The following ZNF385A variants were observed in gnomAD, a reference collection of about 807,000 sequenced individuals.
The protein encoded by ZNF385A is hematopoietic zinc finger protein.
In ZNF385A, 14 loss-of-function variants were observed where a neutral mutation model predicts 32.1. The ratio of observed to expected loss-of-function variants is 0.44; its 90% CI spans 0.29 to 0.68. ZNF385A has a LOEUF of 0.68. Among genes scored for constraint, ZNF385A ranks in the 30% least tolerant of loss-of-function variants. The probability of loss-of-function intolerance (pLI) is 0.14; values close to 1 mark genes in which losing one functional copy is unlikely to be tolerated. For missense variants in ZNF385A, 406 were observed against 478.4 expected, an observed-to-expected ratio of 0.85 and a Z score of 1.41; for synonymous variants, 197 against 202.7, an observed-to-expected ratio of 0.97 and a Z score of 0.24.
chr12:54,380,271 A>G (rs1955077241), intron 1 of ZNF385A, among the ~76,000 whole-genome samples: 2 of 152,218 alleles, frequency 1.3e-5, no homozygotes, highest in Non-Finnish European at 2.9e-5. Flanking sequence ...TTCTGTACTG[A>G]GCTCTTTGCA....
Position 54,371,053 on chromosome 12 carries a change from C to T in ZNF385A, c.648G>A (p.Gly216=), listed in dbSNP as rs1954521782. 5 of 1,613,384 alleles carry T rather than the reference C, an allele frequency of 3.1e-6. No individual in the cohort carries two copies. The South Asian group carries it at 3.3e-5, about 11-fold the overall frequency. The change falls in exon 5 of 7, where the codon GGG becomes GGA. Residue 216 remains glycine (G), a synonymous_variant. Transcript: ENST00000394313. ...KTILEARSGL[G]PIKAYPRLGP... Reference sequence around the variant, plus strand: ...CCAGCCGAGGGTAAGCTTTGATGGGCCCGAGCCCACTTCGGGCCTCCAGAA... The same window carrying T: ...CCAGCCGAGGGTAAGCTTTGATGGGTCCGAGCCCACTTCGGGCCTCCAGAA...
At chr12:54,385,646 C>T (rs530655334), upstream of ZNF385A, 32 of 985,522 alleles carry the variant, frequency 3.2e-5, 2 homozygotes, top group South Asian at 1.2e-3. Context: ...CCTTCCTGTT[C>T]CCTCCAGACA....
At chr12:54,380,166 G>A (rs1207724078) in intron 1 of ZNF385A, among the ~76,000 whole-genome samples, 1 of 152,204 alleles carries the variant, frequency 6.6e-6, no homozygotes, top group East Asian at 1.9e-4. Context: ...AGAGAGCACT[G>A]GAGGTGCCAG....
intron 1 of ZNF385A, among the ~76,000 whole-genome samples, chr12:54,380,027 G>C (rs1253134321): frequency 1.3e-5 from 2 of 152,222 alleles, no homozygotes; most frequent in African/African-American, 4.8e-5. Flanking sequence ...TGGATCTAGA[G>C]AGAGGGTGGC....
At chr12:54,374,922 C>G (rs1010348405) in intron 2 of ZNF385A, among the ~76,000 whole-genome samples, 1 of 152,090 alleles carries the variant, frequency 6.6e-6, no homozygotes. Context: ...CTGCTCCACT[C>G]CCATGTATAC....
intron 1 of ZNF385A, chr12:54,379,151 C>T (rs1426619592): frequency 1.0e-6 from 1 of 980,658 alleles, no homozygotes; most frequent in African/African-American, 1.8e-5. Flanking sequence ...CCGGGCAGGC[C>T]AGGGACGCGG....
chr12:54,385,554 C>T, upstream of ZNF385A: 2 of 851,594 alleles, frequency 2.3e-6, no homozygotes, highest in Non-Finnish European at 2.8e-6. Context: ...ACAGGGGTTC[C>T]CAGGAACAAA....
intron 3 of ZNF385A, among the ~76,000 whole-genome samples, chr12:54,373,482 G>A (rs200990492): frequency 1.1e-4 from 16 of 144,486 alleles, no homozygotes; most frequent in African/African-American, 7.7e-5. Flanking sequence ...CTATTTCCCA[G>A]AAAAAAAAAA....
chr12:54,388,595 G>A (rs1286568149), upstream of ZNF385A, among the ~76,000 whole-genome samples: 3 of 152,322 alleles, frequency 2.0e-5, no homozygotes, highest in South Asian at 6.2e-4. Context: ...ATGGGATTAA[G>A]ATCAGAGAGA....
At chr12:54,373,313 G>A (rs1954656955) in intron 3 of ZNF385A, among the ~76,000 whole-genome samples, 1 of 152,072 alleles carries the variant, frequency 6.6e-6, no homozygotes, top group African/African-American at 2.4e-5. Flanking sequence ...ATCCGATGTG[G>A]TAATCCCAGG....
In ZNF385A at chr12:54,370,147, G is replaced by GGGA. The variant is rs1288626078; in HGVS notation, c.*108_*109insTCC. 4,363 of 814,606 alleles carry GGGA rather than the reference G, an allele frequency of 5.4e-3. 154 individuals carry two copies. The African/African-American group carries it at 0.077, about 14-fold the overall frequency. The allele number at this position is 814,606 out of a possible 1,614,324, so 50.5% of individuals were successfully genotyped here. On this transcript the variant is annotated 3_prime_UTR_variant, in exon 7 of 7. Coordinates refer to ENST00000394313, the MANE Select transcript of ZNF385A (RefSeq NM_015481.3). The surrounding 1 kb of genome is among the most constrained non-coding windows in gnomAD (Gnocchi z 5.5). ...CCCCGTATCTCGGGGTGGGGGGGGG[G>GGGA]AAGGAGAGATCATTTAGGGAGTGCC...
chr12:54,374,418 C>T (rs1397291186), intron 2 of ZNF385A, among the ~76,000 whole-genome samples: 3 of 152,160 alleles, frequency 2.0e-5, no homozygotes, highest in African/African-American at 2.4e-5. Context: ...CCACCTAGTC[C>T]TGGTAGAGAC....
chr12:54,374,702 C>T (rs1305101238), intron 2 of ZNF385A, among the ~76,000 whole-genome samples: 1 of 152,122 alleles, frequency 6.6e-6, no homozygotes, highest in Non-Finnish European at 1.5e-5. Flanking sequence ...CAGAAAACAG[C>T]AGTGGAGACA....
rs563897230 is a variant in ZNF385A at position 54,370,873 on chromosome 12, C to T, written c.774+54G>A. ...TTTACTCAAGCTCCTTGCTCCCCTT[C>T]CCCACTTAGCGGGTGGAGCGTCCCA... On this transcript the variant is annotated intron_variant, in intron 5 of 6. Transcript: ENST00000394313. This position sits in a 1 kb window ranked among gnomAD's most constrained non-coding sequence, Gnocchi z 5.5. The T allele has an allele frequency of 3.1e-6, 5 of 1,612,790 alleles. No homozygotes were observed.
At chr12:54,380,085 T>G (rs975612223) in intron 1 of ZNF385A, among the ~76,000 whole-genome samples, 2 of 151,450 alleles carry the variant, frequency 1.3e-5, no homozygotes, top group Admixed American at 1.3e-4. Context: ...AGCAGTGGAG[T>G]GAGTGGGAGG....
rs150316025 is a variant in ZNF385A, at chr12:54,371,600, C to A, written c.477G>T (p.Gly159=). The change falls in exon 4 of 7, where the codon GGG becomes GGT. Residue 159 remains glycine (G), a synonymous_variant. Coordinates refer to ENST00000394313, the MANE Select transcript of ZNF385A (RefSeq NM_015481.3). Reference sequence around the variant, plus strand: ...CAGGCAAGGAAGCCGGGGCTGGAGTCCCCCCTTCACCCTTGGTTACACCCT... The same window carrying A: ...CAGGCAAGGAAGCCGGGGCTGGAGTACCCCCTTCACCCTTGGTTACACCCT... ...TGQGVTKGEG[G]TPAPASLPGG... 5.0e-6 allele frequency: 8 copies of A among 1,613,068 alleles called. No homozygotes were observed. In the Admixed American group the frequency reaches 5.0e-5, roughly 10 times the overall value.
chr12:54,377,183 C>T (rs1489600899), intron 1 of ZNF385A, among the ~76,000 whole-genome samples: 1 of 152,170 alleles, frequency 6.6e-6, no homozygotes, highest in Non-Finnish European at 1.5e-5. Context: ...GTTTCACTGG[C>T]TGGGTGGGGT....
In ZNF385A at chr12:54,369,174, G is replaced by C. The variant is rs2137139869; in HGVS notation, c.*1082C>G. On this transcript the variant is annotated 3_prime_UTR_variant, in exon 7 of 7. Transcript: ENST00000394313. ...AATTCAGACTTTATTGTCAGGGAGA[G>C]GAAAAAGGGGAGGACCGTGGGTGGG... The C allele has an allele frequency of 6.6e-6, 1 of 152,574 alleles. No homozygotes were observed. Among genetic ancestry groups the C allele is most frequent in the East Asian group, 1.9e-4 (1 of 5,140 alleles). The allele number at this position is 152,574 out of a possible 1,614,324, so 9.5% of individuals were successfully genotyped here. A position where few individuals can be genotyped will look rare whatever the true frequency, so the allele number is the denominator to read the frequency against.
At chr12:54,379,340 G>A (rs1955017128) in intron 1 of ZNF385A, 1 of 309,290 alleles carries the variant, frequency 3.2e-6, no homozygotes, top group Non-Finnish European at 4.7e-6. Flanking sequence ...CGGAAAGAGG[G>A]AGATGTCCAT....
Sources: allele counts gnomAD v4.1 joint callset (sites outside exome capture counted in the v4.1 genomes callset), GRCh38; gene constraint gnomAD v4.1.1; non-coding constraint Gnocchi (gnomAD v3.1); transcripts MANE v1.5; gene names NCBI Gene and HGNC (gene_info 2026-07-23, HGNC 2026-07-21).